The following LZTFL1 variants were observed in gnomAD, a reference collection of about 807,000 sequenced individuals.
LZTFL1 encodes leucine zipper transcription factor-like protein 1.
In LZTFL1, 25 loss-of-function variants were observed where a neutral mutation model predicts 45.9. The observed-to-expected ratio is 0.54, with a 90% CI of 0.40 to 0.76. LZTFL1 has a LOEUF of 0.76. LZTFL1 is among the 30% of genes least tolerant of loss of function. The pLI is 0.00. For synonymous variants in LZTFL1, 93 were observed against 117.4 expected, an observed-to-expected ratio of 0.79 and a Z score of 1.35; for missense variants, 277 against 331.1, an observed-to-expected ratio of 0.84 and a Z score of 1.27.
chr3:45,898,303 G>A (rs747085242), intron 2 of LZTFL1, among the ~76,000 whole-genome samples: 10 of 152,190 alleles, frequency 6.6e-5, no homozygotes, highest in African/African-American at 1.7e-4. Flanking sequence ...CGTGTCCAGC[G>A]TTGGGAGGAT....
intron 2 of LZTFL1, among the ~76,000 whole-genome samples, chr3:45,908,916 G>A (rs1702735411): frequency 6.6e-6 from 1 of 152,198 alleles, no homozygotes; most frequent in Non-Finnish European, 1.5e-5. Flanking sequence ...TGAGTGGCAG[G>A]CAAGTGAGTG....
intron 1 of LZTFL1, among the ~76,000 whole-genome samples, chr3:45,839,454 C>A (rs1207314322): frequency 6.6e-6 from 1 of 152,172 alleles, no homozygotes; most frequent in Non-Finnish European, 1.5e-5. Context: ...CCAAAACCTC[C>A]CAAACTCTCT....
chr3:45,824,369 AAC>A lies in LZTFL1; in HGVS notation c.*1943_*1944del, dbSNP rs1700611405. ...TGCTAAAGGGTATAGAGTAAATAAC[AAC>A]AACAACAACAACAACAAAAATGACA... On this transcript the variant is annotated 3_prime_UTR_variant, in exon 10 of 10. Coordinates refer to ENST00000296135, the MANE Select transcript of LZTFL1 (RefSeq NM_020347.4). 7.6e-6 allele frequency: 1 copy of A among 131,068 alleles called. No individual in the cohort carries two copies. Among genetic ancestry groups the A allele is most frequent in the African/African-American group, 2.7e-5 (1 of 37,554 alleles). 8.1% of individuals were successfully genotyped at this position (131,068 alleles called of 1,614,324 possible). A position where few individuals can be genotyped will look rare whatever the true frequency, so the allele number is the denominator to read the frequency against.
At chr3:45,882,462 G>C (rs1473637287) in intron 2 of LZTFL1, among the ~76,000 whole-genome samples, 3 of 152,210 alleles carry the variant, frequency 2.0e-5, no homozygotes, top group Admixed American at 2.0e-4. Flanking sequence ...GTATGTACAG[G>C]AGGCTAAGGA....
At chr3:45,856,031 A>C (rs2125705497) in intron 3 of LZTFL1, among the ~76,000 whole-genome samples, 1 of 152,346 alleles carries the variant, frequency 6.6e-6, no homozygotes, top group Middle Eastern at 3.4e-3. Context: ...GACATGCTTC[A>C]CAGAATTAGA....
intron 1 of LZTFL1, among the ~76,000 whole-genome samples, chr3:45,840,382 G>A (rs1199990319): frequency 2.0e-5 from 3 of 152,202 alleles, no homozygotes; most frequent in Non-Finnish European, 2.9e-5. Context: ...GGAATAGGTA[G>A]ATATGTGGTA....
chr3:45,912,985 A>G (rs780405848), intron 2 of LZTFL1: 9 of 849,004 alleles, frequency 1.1e-5, no homozygotes, highest in South Asian at 1.8e-5. Flanking sequence ...ATCCTGGTTT[A>G]TGGAAAAGCT....
chr3:45,842,052 C>G lies in LZTFL1; in HGVS notation c.-61G>C. 1 of 1,601,898 alleles carries G rather than the reference C, an allele frequency of 6.2e-7. No individual in the cohort carries two copies. The highest frequency in any genetic ancestry group is 1.7e-5 in the Admixed American group (1 of 58,890). ...AGAGGCCAGGCGGTGCCCCGCCAAG[C>G]CTGGGATCGCCGAGGGTAGTTGGAC... On this transcript the variant is annotated 5_prime_UTR_variant, in exon 1 of 10. Transcript: ENST00000296135.
At chr3:45,838,770 A>T (rs529416850) in intron 1 of LZTFL1, among the ~76,000 whole-genome samples, 11 of 152,364 alleles carry the variant, frequency 7.2e-5, no homozygotes, top group African/African-American at 2.6e-4. Flanking sequence ...TGGATTTGTA[A>T]TTAAGCTGCT....
intron 2 of LZTFL1, among the ~76,000 whole-genome samples, chr3:45,909,597 C>A (rs1049574264): frequency 6.6e-6 from 1 of 152,210 alleles, no homozygotes; most frequent in Non-Finnish European, 1.5e-5. Context: ...CCTTATAAAG[C>A]CCCAAATCAC....
intron 2 of LZTFL1, among the ~76,000 whole-genome samples, chr3:45,881,315 A>G (rs1701855519): frequency 6.6e-6 from 1 of 152,156 alleles, no homozygotes; most frequent in South Asian, 2.1e-4. Context: ...CTATCTGCCA[A>G]AACCAACATT....
intron 2 of LZTFL1, among the ~76,000 whole-genome samples, chr3:45,892,546 C>T (rs1702219043): frequency 6.6e-6 from 1 of 152,136 alleles, no homozygotes; most frequent in South Asian, 2.1e-4. Context: ...ATAACAGACA[C>T]TGGGACCCCC....
At chr3:45,826,459 C>T (rs910390989) in intron 9 of LZTFL1, 127 bp from the exon 10 acceptor site, 3 of 779,694 alleles carry the variant, frequency 3.8e-6, no homozygotes, top group African/African-American at 3.5e-5. Flanking sequence ...AAGTTGGACA[C>T]ATTCAACTTT....
In LZTFL1 at chr3:45,894,908, G is replaced by A. The variant is rs1427910808; in HGVS notation, c.-215+18212C>T. On this transcript the variant is annotated intron_variant, in intron 2 of 4. Coordinates refer to the LZTFL1 transcript ENST00000472635. ...TTTGATTTTTGTCCCTTTTCCAGGA[G>A]CAGGCTTGCATCTGACTGACCCACC... is the stretch of plus-strand genomic sequence containing the variant. The A allele has an allele frequency of 5.0e-6, 8 of 1,613,438 alleles. No individual in the cohort carries two copies. In the East Asian group the frequency reaches 1.8e-4, roughly 36 times the overall value.
chr3:45,910,217 G>C (rs1303835056), intron 2 of LZTFL1, among the ~76,000 whole-genome samples: 1 of 152,194 alleles, frequency 6.6e-6, no homozygotes, highest in Non-Finnish European at 1.5e-5. Context: ...CCAGTCAGGA[G>C]CTGTTGCAGT....
intron 7 of LZTFL1, among the ~76,000 whole-genome samples, chr3:45,829,608 G>GAAA (rs1206418827): frequency 3.7e-4 from 22 of 58,928 alleles, no homozygotes; most frequent in East Asian, 1.3e-3. Context: ...TGTCTCAAAA[G>GAAA]AAAAAAAAAA....
rs1314332527 is a variant in LZTFL1, at chr3:45,901,181, C to T, written c.-215+11939G>A. ...ACAGCATGTACAAGATGAACTTCTACAGCTGTGTGTTGCTGATCATGTGCA... is the reference window on the plus strand; with the variant it reads ...ACAGCATGTACAAGATGAACTTCTATAGCTGTGTGTTGCTGATCATGTGCA... On this transcript the variant is annotated intron_variant, in intron 2 of 4. Transcript: ENST00000472635. The surrounding 1 kb of genome is among the most constrained non-coding windows in gnomAD (Gnocchi z 4.3). The T allele has an allele frequency of 1.9e-6, 3 of 1,614,206 alleles. No homozygotes were observed. The highest frequency in any genetic ancestry group is 1.7e-5 in the Admixed American group (1 of 60,028).
At chr3:45,898,483 T>C (rs1251302711) in intron 2 of LZTFL1, among the ~76,000 whole-genome samples, 6 of 152,256 alleles carry the variant, frequency 3.9e-5, no homozygotes, top group Admixed American at 1.3e-4. Flanking sequence ...GAGTTTTCTT[T>C]AGTTCTTTGC....
intron 2 of LZTFL1, among the ~76,000 whole-genome samples, chr3:45,866,907 G>A (rs563656518): frequency 1.3e-5 from 2 of 152,152 alleles, no homozygotes; most frequent in Non-Finnish European, 2.9e-5. Context: ...CAGCACTTTG[G>A]GAGGCTGAGG....
Sources: allele counts gnomAD v4.1 joint callset (sites outside exome capture counted in the v4.1 genomes callset), GRCh38; gene constraint gnomAD v4.1.1; non-coding constraint Gnocchi (gnomAD v3.1); transcripts MANE v1.5; gene names NCBI Gene and HGNC (gene_info 2026-07-23, HGNC 2026-07-21).